Variants in NEK10 observed in about 807,000 individuals in gnomAD.
The protein encoded by NEK10 is serine/threonine-protein kinase Nek10.
A neutral mutation model predicts 159.8 loss-of-function variants in NEK10; 122 were observed. The ratio of observed to expected loss-of-function variants is 0.76; its 90% CI spans 0.66 to 0.89. The LOEUF (loss-of-function observed/expected upper bound fraction) is 0.89. NEK10 is among the 40% of genes least tolerant of loss of function. The pLI is 0.00. For missense variants in NEK10, 1,342 were observed against 1,323.1 expected, an observed-to-expected ratio of 1.01 and a Z score of -0.22; for synonymous variants, 466 against 457.1, an observed-to-expected ratio of 1.02 and a Z score of -0.25.
chr3:27,180,196 G>C (rs1394720526), intron 26 of NEK10, among the ~76,000 whole-genome samples: 2 of 152,096 alleles, frequency 1.3e-5, no homozygotes, highest in African/African-American at 4.8e-5. Context: ...AGGAGTTTGA[G>C]ACCAGCCTGG....
chr3:27,137,584 G>A (rs925873096), intron 31 of NEK10, among the ~76,000 whole-genome samples: 1 of 152,106 alleles, frequency 6.6e-6, no homozygotes, highest in African/African-American at 2.4e-5. Flanking sequence ...TATAGATATG[G>A]CAGATTATAT....
chr3:27,171,832 G>T lies in NEK10; in HGVS notation c.2818C>A (p.Gln940Lys), dbSNP rs1329668740. 2.5e-6 allele frequency: 4 copies of T among 1,613,820 alleles called. No homozygotes were observed. The highest frequency in any genetic ancestry group is 3.4e-6 in the Non-Finnish European group (4 of 1,179,902). Residue 940 changes from glutamine (Q) to lysine (K), a missense_variant, in exon 29 of 36, where the codon CAA becomes AAA. Coordinates refer to ENST00000691995, the MANE Select transcript of NEK10 (RefSeq NM_001394966.1). ...RSFSASGGER[Q>K]SQTRDFTGGT... ...ATTTGCACCTACCTTGTTTGGGATT[G>T]TCTTTCTCCTCCTGAAGCACTAAAA...
intron 1 of NEK10, among the ~76,000 whole-genome samples, chr3:27,366,942 C>A (rs928739774): frequency 5.3e-5 from 8 of 151,560 alleles, no homozygotes; most frequent in Admixed American, 4.6e-4. Context: ...TCCCAAGTAG[C>A]GGGGATTACA....
chr3:27,150,757 C>T (rs983315990), intron 30 of NEK10, among the ~76,000 whole-genome samples: 1 of 152,136 alleles, frequency 6.6e-6, no homozygotes, highest in African/African-American at 2.4e-5. Flanking sequence ...TTTCAGAAAT[C>T]CGTTTCATAA....
At chr3:27,328,813 A>G (rs933658268) in intron 5 of NEK10, among the ~76,000 whole-genome samples, 4 of 152,176 alleles carry the variant, frequency 2.6e-5, no homozygotes, top group African/African-American at 9.6e-5. Context: ...TCCAAGCAAG[A>G]GATGATGGGG....
At position 27,107,103 on chromosome 3, in the gene NEK10, A is replaced by C. The variant is rs889320576; in HGVS notation, c.*4169T>G. ...CTTAAATTTTTTATATTATTAGACA[A>C]TTGTTACATACATGCAATAAAGCAT... On this transcript the variant is annotated 3_prime_UTR_variant, in exon 36 of 36. Coordinates refer to ENST00000691995, the MANE Select transcript of NEK10 (RefSeq NM_001394966.1). 1.3e-5 allele frequency among the ~76,000 whole-genome samples: 2 copies of C among 152,078 alleles called. No individual in the cohort carries two copies. Among genetic ancestry groups the C allele is most frequent in the African/African-American group, 4.8e-5 (2 of 41,392 alleles).
intron 23 of NEK10, among the ~76,000 whole-genome samples, chr3:27,209,866 T>C (rs1237125354): frequency 7.0e-6 from 1 of 142,130 alleles, no homozygotes; most frequent in Non-Finnish European, 1.6e-5. Flanking sequence ...GAAATCTTCT[T>C]GAAAATCTGT....
At chr3:27,212,567 G>T (rs1337274240) in intron 23 of NEK10, among the ~76,000 whole-genome samples, 3 of 152,228 alleles carry the variant, frequency 2.0e-5, no homozygotes, top group African/African-American at 7.2e-5. Flanking sequence ...AGAAAACACA[G>T]ATTTGATGAC....
In NEK10 at chr3:27,311,343, G is replaced by A. The variant is rs140362542; in HGVS notation, c.569-327C>T. Reference sequence around the variant, plus strand: ...ATTCTTCAAAGATCCTCTCTGTGAAGATTTCAACTTATAAAGAAGAGAGGG... The same window carrying A: ...ATTCTTCAAAGATCCTCTCTGTGAAAATTTCAACTTATAAAGAAGAGAGGG... On this transcript the variant is annotated intron_variant, in intron 8 of 35. Transcript: ENST00000691995. The A allele has an allele frequency of 4.2e-3, 748 of 179,842 alleles. 9 individuals are homozygous for A. The highest frequency in any genetic ancestry group is 0.026 in the Admixed American group (413 of 16,064). The allele number at this position is 179,842 out of a possible 1,614,324, so 11.1% of individuals were successfully genotyped here.
chr3:27,293,478 A>G, intron 16 of NEK10, 110 bp downstream of exon 16: 2 of 558,742 alleles, frequency 3.6e-6, no homozygotes, highest in South Asian at 2.7e-5. Flanking sequence ...CATGGTTTGC[A>G]TACTGACGCA....
At chr3:27,321,595 C>A (rs1192787614) in intron 6 of NEK10, among the ~76,000 whole-genome samples, 3 of 152,178 alleles carry the variant, frequency 2.0e-5, no homozygotes, top group Non-Finnish European at 4.4e-5. Context: ...ATTGCTTAAA[C>A]CTGGGAGGTG....
At chr3:27,189,913 A>T (rs1241300735) in intron 26 of NEK10, among the ~76,000 whole-genome samples, 3 of 152,172 alleles carry the variant, frequency 2.0e-5, no homozygotes. Flanking sequence ...CAATGAGGGC[A>T]CTGAGGCTGG....
intron 3 of NEK10, among the ~76,000 whole-genome samples, chr3:27,351,816 TC>T (rs1299252046): frequency 1.3e-5 from 2 of 152,088 alleles, no homozygotes; most frequent in African/African-American, 4.8e-5. Flanking sequence ...TCTGCTATTT[TC>T]ATTATTATTA....
intron 24 of NEK10, 94 bp from the exon 25 acceptor site, chr3:27,201,674 A>C: frequency 2.4e-6 from 2 of 849,918 alleles, no homozygotes; most frequent in Non-Finnish European, 3.8e-6. Context: ...GTTACTAATT[A>C]AGCAGGATAA....
intron 26 of NEK10, among the ~76,000 whole-genome samples, chr3:27,182,138 T>C (rs185225859): frequency 8.6e-4 from 131 of 152,290 alleles, no homozygotes; most frequent in African/African-American, 3.0e-3. Context: ...CACAGCATGA[T>C]GATTATACTT....
At chr3:27,287,770 T>C (rs771332410) in intron 19 of NEK10, 27 bp from the exon 20 acceptor site, 1 of 1,508,214 alleles carries the variant, frequency 6.6e-7, no homozygotes, top group Non-Finnish European at 8.8e-7. Flanking sequence ...AACAAACATG[T>C]ATTGCACTGC....
At chr3:27,322,813 GA>G (rs2045744185) in intron 5 of NEK10, among the ~76,000 whole-genome samples, 2 of 152,118 alleles carry the variant, frequency 1.3e-5, no homozygotes, top group Non-Finnish European at 2.9e-5. Context: ...CTCAGCTTCT[GA>G]AAGATATACC....
intron 7 of NEK10, among the ~76,000 whole-genome samples, chr3:27,313,144 A>C (rs2044846121): frequency 6.6e-6 from 1 of 151,920 alleles, no homozygotes; most frequent in Admixed American, 6.5e-5. Context: ...GCATGCCTGT[A>C]ATCCCAGCTA....
In NEK10 at chr3:27,317,839, GT is replaced by G. The variant is rs570514765; in HGVS notation, c.448-3502del. On this transcript the variant is annotated intron_variant, in intron 6 of 35. Coordinates refer to ENST00000691995, the MANE Select transcript of NEK10 (RefSeq NM_001394966.1). ...TTATTTTGAGACAGAGTCTCCCTCT[GT>G]TGCCCAGGCTGGAGTGCAGTGGCGC... Among the ~76,000 whole-genome samples the G allele has an allele frequency of 1.8e-3, 275 of 152,116 alleles. 6 individuals carry two copies. The highest frequency in any genetic ancestry group is 0.013 in the Admixed American group (200 of 15,270).
Sources: gnomAD v4.1 joint callset for allele counts (sites outside exome capture counted in the v4.1 genomes callset) on GRCh38, gnomAD v4.1.1 for gene constraint, MANE v1.5 for transcripts, NCBI Gene and HGNC (gene_info 2026-07-23, HGNC 2026-07-21) for gene names.